DENND5B: variants seen among roughly 807,000 people sequenced by gnomAD.
The protein encoded by DENND5B is DENN domain containing 5B, also known as DENN domain-containing protein 5B.
In DENND5B, 34 loss-of-function variants were observed where a neutral mutation model predicts 140.6. The ratio of observed to expected loss-of-function variants is 0.24; its 90% CI spans 0.18 to 0.32. The LOEUF (loss-of-function observed/expected upper bound fraction) is 0.32, where lower values mean the gene tolerates loss of function less well. Ranked by LOEUF, DENND5B falls within the 10% of genes least tolerant of loss-of-function variation. The pLI, the probability that DENND5B is intolerant of heterozygous loss-of-function variation, is 1.00. For missense variants in DENND5B, 1,142 were observed against 1,560.2 expected (o/e 0.73, Z 4.52); for synonymous variants, 551 against 562.1 (o/e 0.98, Z 0.28).
chr12:31,512,737 T>C (rs574264672), intron 1 of DENND5B, among the ~76,000 whole-genome samples: 55 of 152,346 alleles, frequency 3.6e-4, no homozygotes, highest in African/African-American at 1.3e-3. Context: ...TTGGTCAAAC[T>C]CATTTCATTG....
chr12:31,428,478 T>G (rs541446894), intron 8 of DENND5B, among the ~76,000 whole-genome samples: 1 of 151,820 alleles, frequency 6.6e-6, no homozygotes, highest in African/African-American at 2.4e-5. Context: ...CTCAACTAAC[T>G]GCTACCTCTG....
intron 10 of DENND5B, 24 bp from the exon 11 acceptor site, chr12:31,423,699 A>G: frequency 6.2e-7 from 1 of 1,600,132 alleles, no homozygotes; most frequent in South Asian, 1.1e-5. Flanking sequence ...ATGTGTAAAA[A>G]TTTCATAAGA....
intron 7 of DENND5B, among the ~76,000 whole-genome samples, chr12:31,436,321 G>A (rs1943753337): frequency 6.6e-6 from 1 of 151,684 alleles, no homozygotes; most frequent in South Asian, 2.1e-4. Context: ...GGCTGGTCTC[G>A]AACTCCTGAC....
chr12:31,462,512 G>T (rs1945066066), intron 3 of DENND5B, among the ~76,000 whole-genome samples: 2 of 151,996 alleles, frequency 1.3e-5, no homozygotes, highest in African/African-American at 4.8e-5. Context: ...TCCTCTCTGT[G>T]GGTTTCCTAA....
intron 3 of DENND5B, among the ~76,000 whole-genome samples, chr12:31,473,869 T>C (rs116898975): frequency 0.02 from 3,120 of 152,286 alleles, 56 homozygotes; most frequent in South Asian, 0.052. Context: ...GATTCTCACA[T>C]ATAGGGAGCC....
intron 3 of DENND5B, among the ~76,000 whole-genome samples, chr12:31,466,246 G>A (rs1364187212): frequency 4.0e-5 from 6 of 150,782 alleles, no homozygotes; most frequent in Admixed American, 4.0e-4. Flanking sequence ...CCAGCTACTC[G>A]GGAGGCTGAA....
rs80053766 is a variant in DENND5B at position 31,409,120 on chromosome 12, G to A, written c.2803+143C>T. On this transcript the variant is annotated intron_variant, in intron 14 of 20. Transcript: ENST00000389082. Reference sequence around the variant, plus strand: ...TCCTGTAGCACTCTTAGCATTTGGGGAATATCCTTTACTCCTAAACAGAGA... The same window carrying A: ...TCCTGTAGCACTCTTAGCATTTGGGAAATATCCTTTACTCCTAAACAGAGA... 168 of 898,100 alleles carry A rather than the reference G, an allele frequency of 1.9e-4. No individual in the cohort carries two copies. The East Asian group carries it at 5.1e-3, about 27-fold the overall frequency. 55.6% of individuals were successfully genotyped at this position (898,100 alleles called of 1,614,324 possible).
intron 1 of DENND5B, among the ~76,000 whole-genome samples, chr12:31,518,271 T>C (rs1051987710): frequency 2.6e-5 from 4 of 152,254 alleles, no homozygotes; most frequent in African/African-American, 7.2e-5. Flanking sequence ...AATGTTAGAC[T>C]TGAATTATCT....
At chr12:31,568,163 T>C (rs1040589114) in intron 1 of DENND5B, among the ~76,000 whole-genome samples, 4 of 152,210 alleles carry the variant, frequency 2.6e-5, no homozygotes, top group East Asian at 1.9e-4. Context: ...CCTGAACTAA[T>C]GTGATGGGTA....
In DENND5B at chr12:31,556,076, T is replaced by A. The variant is rs559932254; in HGVS notation, c.127+34630A>T. ...TGCACCCACTGTCCTGCACCTACTG[T>A]CTGGCACTCCCCAGTGAGATGAACC... On this transcript the variant is annotated intron_variant, in intron 1 of 20. Transcript: ENST00000389082. Among the ~76,000 whole-genome samples, 17 of 152,340 alleles carry A rather than the reference T, an allele frequency of 1.1e-4. No homozygotes were observed. In the South Asian group the frequency reaches 3.3e-3, roughly 30 times the overall value.
Position 31,424,553 on chromosome 12 carries a change from A to T in DENND5B, c.2373T>A (p.His791Gln), listed in dbSNP as rs1309937713. 1.9e-6 allele frequency: 3 copies of T among 1,613,716 alleles called. No homozygotes were observed. The highest frequency in any genetic ancestry group is 2.5e-6 in the Non-Finnish European group (3 of 1,179,832). The change falls in exon 10 of 21, where the codon CAT (histidine) becomes CAA (glutamine). Residue 791 changes from histidine (H) to glutamine (Q), a missense_variant. By Grantham distance (24) the His-to-Gln change is conservative (BLOSUM62 0). Transcript: ENST00000389082. ...LCDLLERIWS[H>Q]GLQVKQGKSA... ...CTGTTACCTGCTTGACCTGCAAGCCATGGCTCCATATCCTCTCCAGCAGGT... is the reference window on the plus strand; with the variant it reads ...CTGTTACCTGCTTGACCTGCAAGCCTTGGCTCCATATCCTCTCCAGCAGGT...
At chr12:31,527,653 C>G (rs1012970637) in intron 1 of DENND5B, among the ~76,000 whole-genome samples, 2 of 152,144 alleles carry the variant, frequency 1.3e-5, no homozygotes, top group African/African-American at 4.8e-5. Context: ...TGGCCCACAC[C>G]TGTAATCCCA....
intron 11 of DENND5B, among the ~76,000 whole-genome samples, chr12:31,419,483 T>G (rs959539590): frequency 1.3e-5 from 2 of 152,058 alleles, no homozygotes; most frequent in Non-Finnish European, 2.9e-5. Context: ...GTTAAACATT[T>G]TATTTATTTT....
chr12:31,479,678 C>T lies in DENND5B; in HGVS notation c.815G>A (p.Arg272Gln), dbSNP rs765700922. The T allele has an allele frequency of 8.8e-6, 14 of 1,585,990 alleles. No individual in the cohort carries two copies. Among genetic ancestry groups the T allele is most frequent in the East Asian group, 6.8e-5 (3 of 44,074 alleles). Reference sequence around the variant, plus strand: ...TAATCCCAGGAGCTCAAATGCCTCCCGAAGGGGGTAATCAGAGAGGGGGAG... The same window carrying T: ...TAATCCCAGGAGCTCAAATGCCTCCTGAAGGGGGTAATCAGAGAGGGGGAG... ...SELPLSDYPL[R>Q]EAFELLGLEN... Residue 272 changes from arginine (R) to glutamine (Q), a missense_variant, in exon 3 of 21, where the codon CGG becomes CAG. By Grantham distance (43) the Arg-to-Gln change is conservative (BLOSUM62 1). Transcript: ENST00000389082.
intron 5 of DENND5B, among the ~76,000 whole-genome samples, chr12:31,448,090 T>C (rs1944347933): frequency 6.6e-6 from 1 of 151,982 alleles, no homozygotes; most frequent in Non-Finnish European, 1.5e-5. Flanking sequence ...CCACTTCACT[T>C]GCAGTTAAAA....
At chr12:31,490,095 T>TAC in intron 2 of DENND5B, among the ~76,000 whole-genome samples, 1 of 152,154 alleles carries the variant, frequency 6.6e-6, no homozygotes, top group South Asian at 2.1e-4. Flanking sequence ...GGGTGATGTG[T>TAC]ACATTGTTGG....
At chr12:31,510,512 T>C (rs1252677540) in intron 1 of DENND5B, among the ~76,000 whole-genome samples, 4 of 152,196 alleles carry the variant, frequency 2.6e-5, no homozygotes. Context: ...ACTGCGGTTA[T>C]TGCTGGAATT....
chr12:31,519,571 A>C (rs529311308), intron 1 of DENND5B, among the ~76,000 whole-genome samples: 49 of 152,298 alleles, frequency 3.2e-4, no homozygotes, highest in African/African-American at 9.6e-4. Flanking sequence ...TAACTTTCAC[A>C]AGTACTCACA....
chr12:31,409,474 CTTTTT>C (rs139434599), intron 13 of DENND5B, 90 bp from the exon 14 acceptor site: 164 of 284,950 alleles, frequency 5.8e-4, no homozygotes, highest in East Asian at 9.4e-4. Context: ...TTCATTATGT[CTTTTT>C]TTTTTTTTTT....
Sources: gnomAD v4.1 joint callset for allele counts (sites outside exome capture counted in the v4.1 genomes callset) on GRCh38, gnomAD v4.1.1 for gene constraint, MANE v1.5 for transcripts, NCBI Gene and HGNC (gene_info 2026-07-23, HGNC 2026-07-21) for gene names.